Variants in ICE2 observed in about 807,000 individuals in gnomAD.
The protein encoded by ICE2 is interactor of little elongation complex ELL subunit 2.
A neutral mutation model predicts 105.4 loss-of-function variants in ICE2; 87 were observed. The observed-to-expected ratio is 0.83, with a 90% CI of 0.69 to 0.99. The LOEUF is 0.99. Ranked by LOEUF, ICE2 falls within the 50% of genes least tolerant of loss-of-function variation. The pLI is 0.00. For missense variants in ICE2, 1,323 were observed against 1,146.7 expected (o/e 1.15, Z -2.22); for synonymous variants, 399 against 392.0 (o/e 1.02, Z -0.21).
chr15:60,466,543 T>C, intron 5 of ICE2, 51 bp downstream of exon 5: 2 of 1,594,476 alleles, frequency 1.3e-6, no homozygotes, highest in South Asian at 1.1e-5. Context: ...TTCAGAATGC[T>C]GCTATTGCCT....
intron 8 of ICE2, 74 bp downstream of exon 8, chr15:60,454,929 C>T: frequency 7.6e-7 from 1 of 1,319,678 alleles, no homozygotes; most frequent in Middle Eastern, 2.0e-4. Context: ...TTGTTCAACT[C>T]CTATTTATGA....
intron 5 of ICE2, among the ~76,000 whole-genome samples, chr15:60,457,075 G>T (rs1188083388): frequency 6.6e-6 from 1 of 152,058 alleles, no homozygotes; most frequent in Non-Finnish European, 1.5e-5. Flanking sequence ...AAAGGCACAT[G>T]AAAATTTCAA....
chr15:60,462,968 T>C (rs2064320464), intron 5 of ICE2, among the ~76,000 whole-genome samples: 1 of 152,232 alleles, frequency 6.6e-6, no homozygotes, highest in African/African-American at 2.4e-5. Flanking sequence ...TCCAAATTTA[T>C]GATGGTGCCA....
chr15:60,477,513 T>C (rs1457753581), intron 2 of ICE2, among the ~76,000 whole-genome samples: 1 of 152,224 alleles, frequency 6.6e-6, no homozygotes, highest in Non-Finnish European at 1.5e-5. Flanking sequence ...AAAGTTCTCA[T>C]ACACTTTTAA....
Position 60,428,516 on chromosome 15 carries a change from G to A in ICE2, c.2733C>T (p.Pro911=). The A allele has an allele frequency of 6.2e-7, 1 of 1,614,124 alleles. No homozygotes were observed. The highest frequency in any genetic ancestry group is 8.5e-7 in the Non-Finnish European group (1 of 1,180,008). ...GGATATGATATGGTAATAACAGGCT[G>A]GGATCTAATGGGACCCAGGGAACTG... The part of the protein sequence containing the change: ...SLSVPWVPLD[P]SLLLPYHIHH... The change falls in exon 15 of 16, where the codon CCC becomes CCT. Residue 911 remains proline, a synonymous_variant. Coordinates refer to ENST00000261520, the MANE Select transcript of ICE2 (RefSeq NM_024611.6).
intron 9 of ICE2, 131 bp from the exon 10 acceptor site, chr15:60,449,972 AG>A (rs2063923575): frequency 1.4e-6 from 1 of 692,730 alleles, no homozygotes; most frequent in South Asian, 1.9e-5. Flanking sequence ...TGGTTGTAAA[AG>A]GTTCTTGTTT....
chr15:60,446,579 T>G (rs2063827660), intron 11 of ICE2, among the ~76,000 whole-genome samples: 1 of 152,068 alleles, frequency 6.6e-6, no homozygotes, highest in Admixed American at 6.6e-5. Context: ...GTATTCTTAG[T>G]AGAGAGGGGG....
chr15:60,443,323 T>C (rs1461469731), intron 11 of ICE2, among the ~76,000 whole-genome samples: 3 of 152,246 alleles, frequency 2.0e-5, no homozygotes, highest in Non-Finnish European at 4.4e-5. Context: ...TTAAGGTACT[T>C]AACTTGAACT....
rs778840860 is a variant in ICE2 at position 60,449,304 on chromosome 15, T to C, written c.1663A>G (p.Thr555Ala). ...LENLDNSKEK[T>A]VGSEAAKTED... ...GTTTTTGCTGCTTCTGATCCAACAG[T>C]CTTTTCCTTTGAGTTGTCTAGGTTT... Residue 555 changes from threonine (T) to alanine (A), a missense_variant, in exon 10 of 16, where the codon ACT becomes GCT. Coordinates refer to ENST00000261520, the MANE Select transcript of ICE2 (RefSeq NM_024611.6). 2.5e-6 allele frequency: 4 copies of C among 1,613,028 alleles called. No individual in the cohort carries two copies. Among genetic ancestry groups the C allele is most frequent in the African/African-American group, 1.3e-5 (1 of 74,902 alleles).
rs767228008 is a variant in ICE2, at chr15:60,448,154, A to C, written c.2120-9T>G. 28 of 1,577,880 alleles carry C rather than the reference A, an allele frequency of 1.8e-5. No individual in the cohort carries two copies. Among genetic ancestry groups the C allele is most frequent in the Non-Finnish European group, 2.4e-5 (28 of 1,152,724 alleles). On this transcript the variant is annotated splice_polypyrimidine_tract_variant and intron_variant, in intron 10 of 15. Coordinates refer to ENST00000261520, the MANE Select transcript of ICE2 (RefSeq NM_024611.6). ...AAGTTCATATGGCAATCCTTTAAAA[A>C]TAGTATTTCTCATTTTTAAAATACA...
chr15:60,437,408 C>T (rs1201519003), intron 12 of ICE2, among the ~76,000 whole-genome samples: 1 of 151,592 alleles, frequency 6.6e-6, no homozygotes, highest in African/African-American at 2.4e-5. Flanking sequence ...GATCTTGGCT[C>T]ACTGCAACTT....
chr15:60,423,528 A>G lies in ICE2; in HGVS notation c.*106T>C, dbSNP rs1419041901. On this transcript the variant is annotated 3_prime_UTR_variant, in exon 16 of 16. Coordinates refer to ENST00000261520, the MANE Select transcript of ICE2 (RefSeq NM_024611.6). ...ATTTTTTCAAGGCACTCTAGCTACTACAGGAAAAATGTTCCTCTTGCCTAC... is the reference window on the plus strand; with the variant it reads ...ATTTTTTCAAGGCACTCTAGCTACTGCAGGAAAAATGTTCCTCTTGCCTAC... 1 of 1,063,596 alleles carries G rather than the reference A, an allele frequency of 9.4e-7. No homozygotes were observed. The highest frequency in any genetic ancestry group is 1.3e-6 in the Non-Finnish European group (1 of 762,430). 65.9% of individuals were successfully genotyped at this position (1,063,596 alleles called of 1,614,324 possible).
Position 60,456,725 on chromosome 15 carries a change from T to C in ICE2, c.598A>G (p.Ser200Gly). 6.3e-7 allele frequency: 1 copy of C among 1,594,948 alleles called. No homozygotes were observed. Among genetic ancestry groups the C allele is most frequent in the Non-Finnish European group, 8.6e-7 (1 of 1,169,436 alleles). The change falls in exon 6 of 16, where the codon AGC (serine) becomes GGC (glycine). Residue 200 changes from serine (S) to glycine (G), a missense_variant. By Grantham distance (56) the Ser-to-Gly change is moderately conservative (BLOSUM62 0). Transcript: ENST00000261520. ...CTGAATGGGAAGAATCCCATTAAGCTGGTGACCTCGTGGAGAGTATAGAAT... is the reference window on the plus strand; with the variant it reads ...CTGAATGGGAAGAATCCCATTAAGCCGGTGACCTCGTGGAGAGTATAGAAT... ...SEFYTLHEVT[S>G]LMGFFPFRVE...
At chr15:60,451,275 G>T in intron 9 of ICE2, 1 of 660,442 alleles carries the variant, frequency 1.5e-6, no homozygotes, top group South Asian at 6.9e-5. Context: ...TATATAAACA[G>T]ACTACAAAGA....
At chr15:60,438,188 C>T (rs1401544894) in intron 12 of ICE2, 1 of 152,082 alleles carries the variant, frequency 6.6e-6, no homozygotes, top group African/African-American at 2.4e-5. Context: ...TGTATTGTAC[C>T]ATAGTTAAAA....
chr15:60,423,519 C>G lies in ICE2; in HGVS notation c.*115G>C, dbSNP rs1566963184. 6 of 933,472 alleles carry G rather than the reference C, an allele frequency of 6.4e-6. No individual in the cohort carries two copies. The highest frequency in any genetic ancestry group is 7.7e-6 in the Non-Finnish European group (5 of 650,508). The allele number at this position is 933,472 out of a possible 1,614,324, so 57.8% of individuals were successfully genotyped here. A position where few individuals can be genotyped will look rare whatever the true frequency, so the allele number is the denominator to read the frequency against. Reference sequence around the variant, plus strand: ...AGCCAACACATTTTTTCAAGGCACTCTAGCTACTACAGGAAAAATGTTCCT... The same window carrying G: ...AGCCAACACATTTTTTCAAGGCACTGTAGCTACTACAGGAAAAATGTTCCT... On this transcript the variant is annotated 3_prime_UTR_variant, in exon 16 of 16. Coordinates refer to ENST00000261520, the MANE Select transcript of ICE2 (RefSeq NM_024611.6).
At chr15:60,429,976 G>A (rs1355929342) in intron 14 of ICE2, among the ~76,000 whole-genome samples, 1 of 152,140 alleles carries the variant, frequency 6.6e-6, no homozygotes, top group African/African-American at 2.4e-5. Context: ...TGCTGTACAT[G>A]TCTAATGTAC....
chr15:60,448,426 T>C (rs1301861381), intron 10 of ICE2, among the ~76,000 whole-genome samples: 2 of 152,164 alleles, frequency 1.3e-5, no homozygotes, highest in Non-Finnish European at 2.9e-5. Context: ...AAATAAAAAG[T>C]TTAAAAAGTA....
At chr15:60,478,773 A>G in intron 1 of ICE2, 1 of 357,124 alleles carries the variant, frequency 2.8e-6, no homozygotes, top group Non-Finnish European at 5.6e-6. Flanking sequence ...TAGTCGAGGA[A>G]GGCAAAAGAA....
Sources: gnomAD v4.1 joint callset for allele counts (sites outside exome capture counted in the v4.1 genomes callset) on GRCh38, gnomAD v4.1.1 for gene constraint, MANE v1.5 for transcripts, NCBI Gene and HGNC (gene_info 2026-07-23, HGNC 2026-07-21) for gene names.